STAG1: variants seen among roughly 807,000 people sequenced by gnomAD.
The protein encoded by STAG1 is cohesin subunit SA-1.
In STAG1, 26 loss-of-function variants were observed where a neutral mutation model predicts 170.9. That is an observed-to-expected ratio of 0.15 (90% confidence interval 0.11 to 0.21). The LOEUF is 0.21. Among genes scored for constraint, STAG1 ranks in the 10% least tolerant of loss-of-function variants. The probability of loss-of-function intolerance (pLI) is 1.00; values close to 1 mark genes in which losing one functional copy is unlikely to be tolerated. For synonymous variants in STAG1, 514 were observed against 497.7 expected, an observed-to-expected ratio of 1.03 and a Z score of -0.44; for missense variants, 964 against 1,509.5, an observed-to-expected ratio of 0.64 and a Z score of 5.99.
At chr3:136,415,313 A>T (rs188864712) in intron 21 of STAG1, among the ~76,000 whole-genome samples, 2,303 of 61,508 alleles carry the variant, frequency 0.037, 33 homozygotes, top group Non-Finnish European at 0.046. Context: ...TGGTTATTAT[A>T]AAAAAAAAAC....
intron 5 of STAG1, among the ~76,000 whole-genome samples, chr3:136,564,409 G>T (rs1217236143): frequency 6.6e-6 from 1 of 152,174 alleles, no homozygotes; most frequent in Admixed American, 6.5e-5. Flanking sequence ...ATGTTGTTAT[G>T]ATTTTAAACT....
At chr3:136,685,986 T>A (rs1443009261) in intron 1 of STAG1, among the ~76,000 whole-genome samples, 1 of 152,168 alleles carries the variant, frequency 6.6e-6, no homozygotes, top group Non-Finnish European at 1.5e-5. Context: ...GAAAGCTCAT[T>A]GGTGCTAGTG....
intron 3 of STAG1, among the ~76,000 whole-genome samples, chr3:136,605,273 C>A (rs1938878020): frequency 6.6e-6 from 1 of 152,268 alleles, no homozygotes; most frequent in Admixed American, 6.5e-5. Context: ...AACATACCAT[C>A]CCCTCCCCCC....
intron 11 of STAG1, 135 bp downstream of exon 11, chr3:136,473,404 T>C (rs1030802119): frequency 6.5e-6 from 4 of 615,928 alleles, no homozygotes; most frequent in Non-Finnish European, 1.1e-5. Context: ...TGGTCCCTGG[T>C]GCCAAAAAGG....
intron 3 of STAG1, among the ~76,000 whole-genome samples, chr3:136,610,073 C>T (rs1341664732): frequency 6.6e-6 from 1 of 151,706 alleles, no homozygotes; most frequent in Middle Eastern, 3.2e-3. Flanking sequence ...TCTCGTCTGT[C>T]GCCCAGGCTG....
intron 13 of STAG1, among the ~76,000 whole-genome samples, chr3:136,459,264 AAGAATACCATTTTACAATGGT>A (rs2089209189): frequency 6.6e-6 from 1 of 152,038 alleles, no homozygotes; most frequent in African/African-American, 2.4e-5. Flanking sequence ...AAAAAAGACA[AAGAATACCATTTTACAATGGT>A]AAAAGGGTCA....
At position 136,475,138 on chromosome 3, in the gene STAG1, C is replaced by CTTTT. The variant is rs10686674; in HGVS notation, c.1027-1505_1027-1502dup. 5.5e-3 allele frequency among the ~76,000 whole-genome samples: 417 copies of CTTTT among 75,984 alleles called. 4 individuals carry two copies. The highest frequency in any genetic ancestry group is 6.9e-3 in the Non-Finnish European group (294 of 42,844). 49.8% of individuals were successfully genotyped at this position (75,984 alleles called of 152,430 possible). A position where few individuals can be genotyped will look rare whatever the true frequency, so the allele number is the denominator to read the frequency against. ...ACTTTCCTCACTTTTTTATAGGTTC[C>CTTTT]TTTTTTTTTTTTTTTTTTTTTTTTT... On this transcript the variant is annotated intron_variant, in intron 10 of 33. Transcript: ENST00000383202.
intron 7 of STAG1, among the ~76,000 whole-genome samples, chr3:136,509,546 A>G (rs1933945022): frequency 6.6e-6 from 1 of 152,210 alleles, no homozygotes; most frequent in South Asian, 2.1e-4. Flanking sequence ...GACGGTATGA[A>G]GGAAGATGTA....
chr3:136,647,856 C>T (rs1941085680), intron 1 of STAG1, among the ~76,000 whole-genome samples: 1 of 152,088 alleles, frequency 6.6e-6, no homozygotes, highest in African/African-American at 2.4e-5. Flanking sequence ...AAGAAAAAAA[C>T]CTTACTATAA....
intron 7 of STAG1, among the ~76,000 whole-genome samples, chr3:136,519,815 A>T (rs76364403): frequency 8.8e-4 from 134 of 152,216 alleles, no homozygotes; most frequent in African/African-American, 2.9e-3. Context: ...GAGGAAGAAG[A>T]TACTCTCAAA....
chr3:136,647,915 G>A (rs536163775), intron 1 of STAG1, among the ~76,000 whole-genome samples: 1 of 152,200 alleles, frequency 6.6e-6, no homozygotes, highest in Admixed American at 6.5e-5. Flanking sequence ...TCACTACAAA[G>A]TATTGTATGA....
intron 13 of STAG1, among the ~76,000 whole-genome samples, chr3:136,459,249 A>G (rs1322928903): frequency 6.6e-6 from 1 of 151,956 alleles, no homozygotes; most frequent in Non-Finnish European, 1.5e-5. Flanking sequence ...AAAGAAAAGA[A>G]AAGAAAAAAA....
At chr3:136,679,065 T>G (rs924091244) in intron 1 of STAG1, among the ~76,000 whole-genome samples, 1 of 150,648 alleles carries the variant, frequency 6.6e-6, no homozygotes, top group African/African-American at 2.4e-5. Flanking sequence ...CCCAAGAAAT[T>G]CAAAGTAACA....
intron 3 of STAG1, among the ~76,000 whole-genome samples, chr3:136,619,924 G>A (rs560091103): frequency 1.3e-5 from 2 of 152,046 alleles, no homozygotes; most frequent in East Asian, 1.9e-4. Flanking sequence ...TCAGCCATGC[G>A]TGGTGGCGTG....
At chr3:136,581,844 A>T (rs1937596725) in intron 4 of STAG1, among the ~76,000 whole-genome samples, 1 of 152,196 alleles carries the variant, frequency 6.6e-6, no homozygotes, top group Admixed American at 6.5e-5. Context: ...GGAAAAAATT[A>T]ATCATTCCAC....
At chr3:136,465,074 T>A in intron 12 of STAG1, 86 bp from the exon 13 acceptor site, 1 of 971,578 alleles carries the variant, frequency 1.0e-6, no homozygotes, top group Non-Finnish European at 1.5e-6. Context: ...AAGTTCATTA[T>A]AAAGCTCAAG....
intron 13 of STAG1, among the ~76,000 whole-genome samples, chr3:136,456,880 A>C (rs926921095): frequency 1.3e-5 from 2 of 152,194 alleles, no homozygotes; most frequent in Non-Finnish European, 2.9e-5. Context: ...AAGAAAGAAA[A>C]CTGCTATCCA....
chr3:136,500,282 C>T lies in STAG1; in HGVS notation c.843G>A (p.Gln281=). 1 of 1,587,518 alleles carries T rather than the reference C, an allele frequency of 6.3e-7. No individual in the cohort carries two copies. The highest frequency in any genetic ancestry group is 8.6e-7 in the Non-Finnish European group (1 of 1,161,502). ...AGTTCATCATATTTTCGATTTCATC[C>T]TGATTTTCTTGCAGCTGAAATGAAA... ...LQKRKELQEN[Q]DEIENMMNSI... Residue 281 remains glutamine, a synonymous_variant, in exon 9 of 34, where the codon CAG becomes CAA. Coordinates refer to ENST00000383202, the MANE Select transcript of STAG1 (RefSeq NM_005862.3).
chr3:136,674,737 T>C (rs550335963), intron 1 of STAG1, among the ~76,000 whole-genome samples: 35 of 152,310 alleles, frequency 2.3e-4, no homozygotes, highest in Admixed American at 6.5e-4. Context: ...ACTTAACAAA[T>C]TGTACGCTTT....
Sources: gnomAD v4.1 joint callset for allele counts (sites outside exome capture counted in the v4.1 genomes callset) on GRCh38, gnomAD v4.1.1 for gene constraint, MANE v1.5 for transcripts, NCBI Gene and HGNC (gene_info 2026-07-23, HGNC 2026-07-21) for gene names.